MMP16: variants seen among roughly 807,000 people sequenced by gnomAD.
MMP16 encodes matrix metallopeptidase 16, also known as matrix metalloproteinase-16.
Under a neutral mutation model 67.8 loss-of-function variants are expected in MMP16, and 12 were observed. The ratio of observed to expected loss-of-function variants is 0.18; its 90% CI spans 0.11 to 0.29. The LOEUF is 0.29. Ranked by LOEUF, MMP16 falls within the 10% of genes least tolerant of loss-of-function variation. MMP16 has a pLI of 1.00. For synonymous variants in MMP16, 249 were observed against 255.9 expected, an observed-to-expected ratio of 0.97 and a Z score of 0.26; for missense variants, 475 against 765.7, an observed-to-expected ratio of 0.62 and a Z score of 4.48.
At chr8:88,137,356 A>G (rs1808138583) in intron 4 of MMP16, among the ~76,000 whole-genome samples, 1 of 151,978 alleles carries the variant, frequency 6.6e-6, no homozygotes, top group African/African-American at 2.4e-5. Context: ...GGAATTTTGG[A>G]TAAGGAATAC....
At chr8:88,156,941 A>G (rs938076041) in intron 4 of MMP16, among the ~76,000 whole-genome samples, 1 of 152,142 alleles carries the variant, frequency 6.6e-6, no homozygotes, top group African/African-American at 2.4e-5. Flanking sequence ...CAAGAGATTC[A>G]ATGTATATAT....
chr8:88,101,078 C>G (rs766514960), intron 6 of MMP16, among the ~76,000 whole-genome samples: 1 of 151,804 alleles, frequency 6.6e-6, no homozygotes, highest in African/African-American at 2.4e-5. Context: ...ACAAATGTAA[C>G]AAACCTGCAC....
chr8:88,035,574 T>C lies in MMP16; in HGVS notation c.*5887A>G, dbSNP rs1465465345. On this transcript the variant is annotated 3_prime_UTR_variant, in exon 10 of 10. Transcript: ENST00000286614. The surrounding 1 kb of genome is among the most constrained non-coding windows in gnomAD (Gnocchi z 4.7). ...TATTTGCCTTAGAAAACATTAGTTATGAATGTCTGTGAAGTCTCCGTTATA... is the reference window on the plus strand; with the variant it reads ...TATTTGCCTTAGAAAACATTAGTTACGAATGTCTGTGAAGTCTCCGTTATA... The C allele has an allele frequency of 6.6e-6, 1 of 152,022 alleles. No homozygotes were observed. The highest frequency in any genetic ancestry group is 2.4e-5 in the African/African-American group (1 of 41,430). The allele number at this position is 152,022 out of a possible 1,614,324, so 9.4% of individuals were successfully genotyped here. A position where few individuals can be genotyped will look rare whatever the true frequency, so the allele number is the denominator to read the frequency against.
intron 1 of MMP16, among the ~76,000 whole-genome samples, chr8:88,245,185 A>T (rs921165504): frequency 6.6e-6 from 1 of 152,202 alleles, no homozygotes; most frequent in Admixed American, 6.5e-5. Context: ...TTGGAATTGA[A>T]ATTCTTCTGC....
chr8:88,137,425 A>C (rs1808139766), intron 4 of MMP16, among the ~76,000 whole-genome samples: 2 of 151,958 alleles, frequency 1.3e-5, no homozygotes, highest in South Asian at 4.1e-4. Flanking sequence ...TTTAACTTTC[A>C]ATGCTGACAT....
At chr8:88,217,821 G>GA (rs1325912286) in intron 1 of MMP16, among the ~76,000 whole-genome samples, 1 of 152,016 alleles carries the variant, frequency 6.6e-6, no homozygotes, top group Non-Finnish European at 1.5e-5. Context: ...TAATTTTGGA[G>GA]AAAATTAAAA....
At chr8:88,186,662 C>G in intron 2 of MMP16, 64 bp from the exon 3 acceptor site, 1 of 1,486,778 alleles carries the variant, frequency 6.7e-7, no homozygotes, top group East Asian at 2.5e-5. Context: ...CAACCCTAAT[C>G]ATTAAATTCA....
intron 4 of MMP16, among the ~76,000 whole-genome samples, chr8:88,153,582 C>A (rs1425776425): frequency 2.6e-5 from 4 of 151,934 alleles, no homozygotes; most frequent in East Asian, 3.9e-4. Context: ...ACTATCTGAT[C>A]TTTGACAAAC....
intron 1 of MMP16, among the ~76,000 whole-genome samples, chr8:88,206,555 C>A (rs1809430180): frequency 6.6e-6 from 1 of 152,142 alleles, no homozygotes; most frequent in African/African-American, 2.4e-5. Context: ...TCTGTTCACG[C>A]CTTGTGCCCT....
At chr8:88,191,860 C>T (rs1809174590) in intron 2 of MMP16, among the ~76,000 whole-genome samples, 1 of 152,200 alleles carries the variant, frequency 6.6e-6, no homozygotes, top group African/African-American at 2.4e-5. Flanking sequence ...CGTGCTTCAA[C>T]AAAATACCAG....
chr8:88,201,982 T>A (rs1809351635), intron 1 of MMP16, among the ~76,000 whole-genome samples: 1 of 152,178 alleles, frequency 6.6e-6, no homozygotes, highest in East Asian at 1.9e-4. Flanking sequence ...AAACTCACGT[T>A]GGAGTAATCA....
chr8:88,123,362 T>G (rs1410606286), intron 4 of MMP16, among the ~76,000 whole-genome samples: 5 of 152,012 alleles, frequency 3.3e-5, no homozygotes, highest in African/African-American at 1.2e-4. Flanking sequence ...ACGTCTGTGA[T>G]TGAAAATTTC....
intron 4 of MMP16, among the ~76,000 whole-genome samples, chr8:88,132,357 C>T (rs1409956871): frequency 2.0e-5 from 3 of 151,760 alleles, no homozygotes; most frequent in African/African-American, 4.8e-5. Flanking sequence ...AAACAAAAGT[C>T]AGTGATAGTC....
intron 4 of MMP16, among the ~76,000 whole-genome samples, chr8:88,127,072 C>A (rs1586164569): frequency 6.6e-6 from 1 of 151,744 alleles, no homozygotes; most frequent in East Asian, 1.9e-4. Context: ...CTGTTATGTG[C>A]CAGAACAGGA....
chr8:88,148,529 G>A (rs901552952), intron 4 of MMP16, among the ~76,000 whole-genome samples: 5 of 152,176 alleles, frequency 3.3e-5, no homozygotes, highest in Non-Finnish European at 5.9e-5. Flanking sequence ...ACATCCAAGT[G>A]CAGTATTTTA....
intron 6 of MMP16, among the ~76,000 whole-genome samples, chr8:88,098,170 C>T (rs1374908398): frequency 6.6e-6 from 1 of 151,972 alleles, no homozygotes; most frequent in African/African-American, 2.4e-5. Context: ...AAAATATCAG[C>T]AAAAGGGACA....
At chr8:88,276,732 C>T (rs1006455916) in intron 1 of MMP16, among the ~76,000 whole-genome samples, 4 of 151,988 alleles carry the variant, frequency 2.6e-5, no homozygotes, top group Non-Finnish European at 1.5e-5. Context: ...AATTATCTGT[C>T]GTTGAAGAGA....
At chr8:88,228,692 G>C (rs543143608) in intron 1 of MMP16, among the ~76,000 whole-genome samples, 1 of 152,112 alleles carries the variant, frequency 6.6e-6, no homozygotes, top group Non-Finnish European at 1.5e-5. Flanking sequence ...ATACAAAGAT[G>C]TTCTTTAGAC....
chr8:88,061,101 C>T (rs768535598), intron 7 of MMP16, among the ~76,000 whole-genome samples: 34 of 150,130 alleles, frequency 2.3e-4, no homozygotes, highest in African/African-American at 6.2e-4. Flanking sequence ...AAACTTACCC[C>T]GAGCCCTTGT....
Sources: allele counts gnomAD v4.1 joint callset (sites outside exome capture counted in the v4.1 genomes callset), GRCh38; gene constraint gnomAD v4.1.1; non-coding constraint Gnocchi (gnomAD v3.1); transcripts MANE v1.5; gene names NCBI Gene and HGNC (gene_info 2026-07-23, HGNC 2026-07-21).